Variants in IL27RA observed in about 807,000 individuals in gnomAD.
IL27RA encodes interleukin-27 receptor subunit alpha.
In IL27RA, 61 loss-of-function variants were observed where a neutral mutation model predicts 80.8. The ratio of observed to expected loss-of-function variants is 0.76; its 90% confidence interval spans 0.61 to 0.93. IL27RA has a LOEUF of 0.93. Among genes scored for constraint, IL27RA ranks in the 40% least tolerant of loss-of-function variants. The pLI, the probability that IL27RA is intolerant of heterozygous loss-of-function variation, is 0.00. For missense variants in IL27RA, 735 were observed against 808.1 expected, an observed-to-expected ratio of 0.91 and a Z score of 1.10; for synonymous variants, 316 against 332.5, an observed-to-expected ratio of 0.95 and a Z score of 0.54.
intron 6 of IL27RA, among the ~76,000 whole-genome samples, chr19:14,045,223 G>C (rs1164969963): frequency 6.6e-6 from 1 of 150,614 alleles, no homozygotes; most frequent in Non-Finnish European, 1.5e-5. Flanking sequence ...GGATGTTGAG[G>C]CTGCAGTGAG....
chr19:14,050,158 C>T (rs573794490), intron 10 of IL27RA, among the ~76,000 whole-genome samples: 3 of 151,924 alleles, frequency 2.0e-5, no homozygotes, highest in Admixed American at 6.6e-5. Flanking sequence ...CAAAGACAAA[C>T]TAAATAATAT....
In IL27RA at chr19:14,036,840, AT is replaced by A. The variant is rs149297021; in HGVS notation, c.219-2655del. ...GTATTCCATCGTGTATGTATACCAC[AT>A]TTTTTTTTTTTTGAGACAAAGTCTC... On this transcript the variant is annotated intron_variant, in intron 2 of 13. Coordinates refer to ENST00000263379, the MANE Select transcript of IL27RA (RefSeq NM_004843.4). 9.8e-3 allele frequency among the ~76,000 whole-genome samples: 1,262 copies of A among 129,252 alleles called. 4 individuals carry two copies. Among genetic ancestry groups the A allele is most frequent in the Middle Eastern group, 0.048 (9 of 188 alleles). The allele number at this position is 129,252 out of a possible 152,430, so 84.8% of individuals were successfully genotyped here. A position where few individuals can be genotyped will look rare whatever the true frequency, so the allele number is the denominator to read the frequency against.
At chr19:14,034,546 G>C (rs1325141557) in intron 2 of IL27RA, among the ~76,000 whole-genome samples, 1 of 151,864 alleles carries the variant, frequency 6.6e-6, no homozygotes, top group Non-Finnish European at 1.5e-5. Context: ...TGTAGCCCCA[G>C]CTATTTGGGA....
rs148854666 is a variant in IL27RA at position 14,038,908 on chromosome 19, G to C, written c.219-600G>C. Among the ~76,000 whole-genome samples, 75 of 150,644 alleles carry C rather than the reference G, an allele frequency of 5.0e-4. 1 individual carries two copies. Among genetic ancestry groups the C allele is most frequent in the African/African-American group, 1.8e-3 (72 of 40,870 alleles). ...TCAAAAGAAAAAAAAAAGAGAGAGA[G>C]AAAGCAAGGAAGGAAGGGAGGGAGG... On this transcript the variant is annotated intron_variant, in intron 2 of 13. Transcript: ENST00000263379.
At chr19:14,043,114 C>T (rs533304368) in intron 6 of IL27RA, among the ~76,000 whole-genome samples, 1 of 152,176 alleles carries the variant, frequency 6.6e-6, no homozygotes, top group African/African-American at 2.4e-5. Context: ...TGCACTCCAG[C>T]CTGGGCAACA....
At position 14,052,053 on chromosome 19, in the gene IL27RA, G is replaced by C. The variant is rs79939273; in HGVS notation, c.1717-43G>C. ...GCAGTGGGGAGGGGGTGAGGTGTGG[G>C]TCGGGGAGGCTGGGGCAGGATTACA... On this transcript the variant is annotated intron_variant, in intron 13 of 13. Coordinates refer to ENST00000263379, the MANE Select transcript of IL27RA (RefSeq NM_004843.4). 6.4e-3 allele frequency: 10,166 copies of C among 1,593,156 alleles called. 557 individuals carry two copies. In the African/African-American group the frequency reaches 0.12, roughly 19 times the overall value.
At position 14,031,939 on chromosome 19, in the gene IL27RA, T is replaced by A. The variant is rs758632995; in HGVS notation, c.67T>A (p.Leu23Met). Residue 23 changes from leucine (L) to methionine (M), a missense_variant, in exon 1 of 14, where the codon TTG becomes ATG. By Grantham distance (15) the Leu-to-Met change is conservative. Coordinates refer to ENST00000263379, the MANE Select transcript of IL27RA (RefSeq NM_004843.4). ...GCCCAAGCTGGCGCTGCTGCCTCTGTTGTGGGTGCTTTTCCAGCGGACGCG... is the reference window on the plus strand; with the variant it reads ...GCCCAAGCTGGCGCTGCTGCCTCTGATGTGGGTGCTTTTCCAGCGGACGCG... ...PLPKLALLPL[L>M]WVLFQRTRPQ... is the part of the protein sequence containing the mutation. 1 of 1,611,146 alleles carries A rather than the reference T, an allele frequency of 6.2e-7. No individual in the cohort carries two copies. The highest frequency in any genetic ancestry group is 8.5e-7 in the Non-Finnish European group (1 of 1,178,806).
At position 14,046,763 on chromosome 19, in the gene IL27RA, G is replaced by C. The variant is rs888391982; in HGVS notation, c.1141+145G>C. ...TGTAATCTCAGCACTTTGGGAGGCC[G>C]AAAGGGGCGGATCACCTGAGGTCAG... On this transcript the variant is annotated intron_variant, in intron 8 of 13. Transcript: ENST00000263379. 9.1e-5 allele frequency: 66 copies of C among 725,680 alleles called. No individual in the cohort carries two copies. The East Asian group carries it at 1.8e-3, about 20-fold the overall frequency. The allele number at this position is 725,680 out of a possible 1,614,324, so 45.0% of individuals were successfully genotyped here.
At chr19:14,041,194 C>T (rs73508183) in intron 4 of IL27RA, among the ~76,000 whole-genome samples, 63,105 of 150,342 alleles carry the variant, frequency 0.42, 16,130 homozygotes, top group African/African-American at 0.72. Context: ...TGAGCCACTG[C>T]ACCCGGCCCC....
chr19:14,045,473 C>T lies in IL27RA; in HGVS notation c.769-681C>T, dbSNP rs571661879. On this transcript the variant is annotated intron_variant, in intron 6 of 13. Coordinates refer to ENST00000263379, the MANE Select transcript of IL27RA (RefSeq NM_004843.4). ...AAAATTAGCCGGACGTGGTGGCAGGCGCCTGTAGTCCCAGGTACTGGGGAG... is the reference window on the plus strand; with the variant it reads ...AAAATTAGCCGGACGTGGTGGCAGGTGCCTGTAGTCCCAGGTACTGGGGAG... 2.8e-4 allele frequency among the ~76,000 whole-genome samples: 43 copies of T among 151,098 alleles called. 1 individual carries two copies. In the South Asian group the frequency reaches 4.8e-3, roughly 17 times the overall value.
chr19:14,049,109 G>GC (rs1976116694), intron 9 of IL27RA, 27 bp downstream of exon 9: 1 of 1,612,312 alleles, frequency 6.2e-7, no homozygotes, highest in South Asian at 1.1e-5. Flanking sequence ...AGGATGGGGG[G>GC]GCTTCTGTAA....
Position 14,049,274 on chromosome 19 carries a change from G to T in IL27RA, c.1362G>T (p.Leu454Phe). 1 of 1,614,142 alleles carries T rather than the reference G, an allele frequency of 6.2e-7. No individual in the cohort carries two copies. The highest frequency in any genetic ancestry group is 8.5e-7 in the Non-Finnish European group (1 of 1,180,028). The change falls in exon 10 of 14, where the codon TTG becomes TTT. Residue 454 changes from leucine (L) to phenylalanine (F), a missense_variant. Coordinates refer to ENST00000263379, the MANE Select transcript of IL27RA (RefSeq NM_004843.4). ...QLRGHLTHYT[L>F]CAQSGTSPSV... The stretch of plus-strand genomic sequence containing the variant: ...GAGGCCACCTCACCCACTACACCTT[G>T]TGTGCACAGAGTGGAACCAGCCCCT...
chr19:14,044,050 CAAAA>C (rs111909254), intron 6 of IL27RA, among the ~76,000 whole-genome samples: 2 of 85,138 alleles, frequency 2.3e-5, no homozygotes. Flanking sequence ...CTCTGTCTCA[CAAAA>C]AAAAAAAAAA....
intron 8 of IL27RA, among the ~76,000 whole-genome samples, chr19:14,048,050 A>G (rs556790225): frequency 4.0e-5 from 6 of 150,720 alleles, no homozygotes; most frequent in African/African-American, 1.5e-4. Context: ...GTCGACCTCC[A>G]TGGCTCAAGC....
At position 14,048,794 on chromosome 19, in the gene IL27RA, C is replaced by T. The variant is rs189179155; in HGVS notation, c.1142-187C>T. On this transcript the variant is annotated intron_variant, in intron 8 of 13. Transcript: ENST00000263379. ...CGTCTCAGTTGTCCACAGTGAGAAC[C>T]TGTTCCTTCCCCATTTCACTCCCCT... Among the ~76,000 whole-genome samples, 7 of 152,298 alleles carry T rather than the reference C, an allele frequency of 4.6e-5. No homozygotes were observed. In the East Asian group the frequency reaches 1.4e-3, roughly 29 times the overall value.
chr19:14,050,680 A>G, intron 10 of IL27RA, 78 bp from the exon 11 acceptor site: 1 of 1,471,168 alleles, frequency 6.8e-7, no homozygotes, highest in Non-Finnish European at 9.3e-7. Flanking sequence ...AGAGTGTTGC[A>G]GACAGCAGGA....
intron 6 of IL27RA, 151 bp downstream of exon 6, chr19:14,042,940 G>A (rs1976014326): frequency 1.4e-6 from 1 of 694,868 alleles, no homozygotes; most frequent in South Asian, 1.6e-5. Flanking sequence ...TCAGCAGTTG[G>A]AGACCAGCCT....
intron 7 of IL27RA, 21 bp from the exon 8 acceptor site, chr19:14,046,409 A>C (rs1320360321): frequency 6.2e-7 from 1 of 1,614,024 alleles, no homozygotes; most frequent in Non-Finnish European, 8.5e-7. Flanking sequence ...TGGGCAGCTG[A>C]GACTTCTCTC....
At chr19:14,049,926 C>T (rs912918505) in intron 10 of IL27RA, among the ~76,000 whole-genome samples, 26 of 151,930 alleles carry the variant, frequency 1.7e-4, no homozygotes, top group Non-Finnish European at 7.4e-5. Context: ...TGGTGGGTCA[C>T]GCCTGTAATC....
Sources: allele counts gnomAD v4.1 joint callset (sites outside exome capture counted in the v4.1 genomes callset), GRCh38; gene constraint gnomAD v4.1.1; transcripts MANE v1.5; gene names NCBI Gene and HGNC (gene_info 2026-07-23, HGNC 2026-07-21).